Variants in COG7 observed in about 807,000 individuals in gnomAD.
COG7 encodes the protein conserved oligomeric Golgi complex subunit 7.
A neutral mutation model predicts 91.5 loss-of-function variants in COG7; 49 were observed. That is an observed-to-expected ratio of 0.54 (90% CI 0.43 to 0.68). COG7 has a LOEUF of 0.68. Among genes scored for constraint, COG7 ranks in the 30% least tolerant of loss-of-function variants. The pLI is 0.00. For synonymous variants in COG7, 365 were observed against 388.7 expected (o/e 0.94, Z 0.72); for missense variants, 895 against 961.3 (o/e 0.93, Z 0.91).
At chr16:23,448,245 G>C (rs895764073) in intron 1 of COG7, among the ~76,000 whole-genome samples, 1 of 152,110 alleles carries the variant, frequency 6.6e-6, no homozygotes, top group African/African-American at 2.4e-5. Context: ...AAGGTCTTTC[G>C]CAGGCTGATC....
intron 11 of COG7, among the ~76,000 whole-genome samples, chr16:23,408,530 T>G (rs1446842084): frequency 1.3e-5 from 2 of 151,648 alleles, no homozygotes; most frequent in African/African-American, 4.9e-5. Context: ...CTTCTCACGA[T>G]TCTTTGTTTC....
At position 23,406,095 on chromosome 16, in the gene COG7, T is replaced by C; in HGVS notation, c.1643A>G (p.Glu548Gly). The change falls in exon 12 of 17, where the codon GAA becomes GGA. Residue 548 changes from glutamate to glycine, a missense_variant. Transcript: ENST00000307149. ...TCATACCTTAAGGGTATAAAGTATT[T>C]CCATTAAACTGGCATATTCAGCAGG... The part of the protein sequence containing the change: ...DNPAEYASLM[E>G]ILYTLKEKGS... The C allele has an allele frequency of 6.2e-7, 1 of 1,614,036 alleles. No individual in the cohort carries two copies. The highest frequency in any genetic ancestry group is 2.2e-5 in the East Asian group (1 of 44,886).
chr16:23,451,876 G>C (rs888879413), intron 1 of COG7, among the ~76,000 whole-genome samples: 2 of 151,812 alleles, frequency 1.3e-5, no homozygotes, highest in African/African-American at 4.8e-5. Flanking sequence ...ATATGGATCT[G>C]TTGGCTATTC....
intron 4 of COG7, among the ~76,000 whole-genome samples, chr16:23,438,083 C>CAA (rs34667957): frequency 7.9e-5 from 7 of 88,808 alleles, no homozygotes; most frequent in Non-Finnish European, 1.5e-4. Context: ...GACTCCATCT[C>CAA]AAAAAAAAAA....
rs779144674 is a variant in COG7 at position 23,445,063 on chromosome 16, C to G, written c.420G>C (p.Glu140Asp). Residue 140 changes from glutamate (E) to aspartate (D), a missense_variant, in exon 3 of 17, where the codon GAG becomes GAC. Transcript: ENST00000307149. Reference sequence around the variant, plus strand: ...AGAAACCTACCTGAGTCTTAAATGTCTCCTCAATATCGGCGCTCAACGTGC... The same window carrying G: ...AGAAACCTACCTGAGTCTTAAATGTGTCCTCAATATCGGCGCTCAACGTGC... ...KWSTLSADIEETFKTQDIAVI... is the reference protein window; with the variant it reads ...KWSTLSADIEDTFKTQDIAVI... The G allele has an allele frequency of 3.1e-6, 5 of 1,613,624 alleles. No homozygotes were observed. The South Asian group carries it at 4.4e-5, about 14-fold the overall frequency.
rs1489722718 is a variant in COG7 at position 23,451,960 on chromosome 16, CTT to C, written c.169+864_169+865del. ...TTGGTACAAAACAGGCTCTTTAACT[CTT>C]TGAATAAACACCTCACAGACTCGTG... On this transcript the variant is annotated intron_variant, in intron 1 of 16. Coordinates refer to ENST00000307149, the MANE Select transcript of COG7 (RefSeq NM_153603.4). 9.9e-5 allele frequency among the ~76,000 whole-genome samples: 15 copies of C among 151,928 alleles called. No individual in the cohort carries two copies. The East Asian group carries it at 2.9e-3, about 29-fold the overall frequency.
At chr16:23,444,815 C>T (rs544418372) in intron 3 of COG7, among the ~76,000 whole-genome samples, 3 of 152,114 alleles carry the variant, frequency 2.0e-5, no homozygotes, top group African/African-American at 7.2e-5. Context: ...GCCTGTACAT[C>T]TTTATCAAGG....
At chr16:23,440,085 C>CAAA (rs11294739) in intron 4 of COG7, among the ~76,000 whole-genome samples, 2 of 79,298 alleles carry the variant, frequency 2.5e-5, no homozygotes, top group Non-Finnish European at 5.8e-5. Flanking sequence ...CCCATCTATA[C>CAAA]AAAAAAAAAA....
chr16:23,439,230 T>C (rs971848494), intron 4 of COG7, among the ~76,000 whole-genome samples: 8 of 133,508 alleles, frequency 6.0e-5, no homozygotes, highest in African/African-American at 1.2e-4. Flanking sequence ...CCTAAAGGAA[T>C]TGAAAGCTGG....
At chr16:23,419,817 A>T (rs1287501434) in intron 7 of COG7, among the ~76,000 whole-genome samples, 1 of 150,432 alleles carries the variant, frequency 6.6e-6, no homozygotes, top group African/African-American at 2.5e-5. Context: ...CCCATGCCAC[A>T]TGTTCCTAGG....
At chr16:23,433,094 CG>C (rs1408680149) in intron 6 of COG7, among the ~76,000 whole-genome samples, 3 of 152,080 alleles carry the variant, frequency 2.0e-5, no homozygotes, top group Non-Finnish European at 4.4e-5. Flanking sequence ...AACTGGTTAT[CG>C]TTTTTTCTTT....
intron 16 of COG7, chr16:23,391,978 G>C: frequency 1.7e-6 from 2 of 1,151,100 alleles, no homozygotes; most frequent in Non-Finnish European, 2.2e-6. Context: ...GGGGAGTTTG[G>C]AATTACATAA....
intron 9 of COG7, 164 bp downstream of exon 9, chr16:23,416,802 AC>A: frequency 1.3e-6 from 1 of 771,472 alleles, no homozygotes; most frequent in Non-Finnish European, 2.2e-6. Context: ...CAAATGTTCC[AC>A]CATTACAAAC....
intron 7 of COG7, among the ~76,000 whole-genome samples, chr16:23,421,079 G>C (rs1963748720): frequency 6.6e-6 from 1 of 151,684 alleles, no homozygotes; most frequent in Non-Finnish European, 1.5e-5. Flanking sequence ...GGTGAGTTGA[G>C]AATGATTTCT....
At chr16:23,437,841 C>A (rs999701959) in intron 4 of COG7, among the ~76,000 whole-genome samples, 1 of 152,128 alleles carries the variant, frequency 6.6e-6, no homozygotes, top group Non-Finnish European at 1.5e-5. Context: ...AATCCCAGCA[C>A]CTGGGGAGGC....
intron 4 of COG7, among the ~76,000 whole-genome samples, chr16:23,436,634 C>G (rs996927531): frequency 3.9e-5 from 6 of 152,018 alleles, no homozygotes; most frequent in Admixed American, 3.9e-4. Flanking sequence ...ACTCCAGAAG[C>G]TGAGGCGCTT....
At chr16:23,397,771 C>T (rs1339931620) in intron 14 of COG7, among the ~76,000 whole-genome samples, 1 of 152,140 alleles carries the variant, frequency 6.6e-6, no homozygotes, top group Non-Finnish European at 1.5e-5. Flanking sequence ...CAGAATTTCC[C>T]ATTAGACTCT....
Position 23,452,893 on chromosome 16 carries a change from A to T in COG7, c.102T>A (p.Asp34Glu). ...GSKEAASGKA[D>E]GHAATLVMKL... ...TCATCACCAGGGTGGCTGCGTGGCC[A>T]TCCGCCTTCCCGGACGCCGCCTCCT... Residue 34 changes from aspartate to glutamate, a missense_variant, in exon 1 of 17, where the codon GAT (aspartate) becomes GAA (glutamate). Asp to Glu is a conservative substitution (Grantham distance 45, BLOSUM62 2). Coordinates refer to ENST00000307149, the MANE Select transcript of COG7 (RefSeq NM_153603.4). The T allele has an allele frequency of 6.2e-7, 1 of 1,614,026 alleles. No homozygotes were observed. The highest frequency in any genetic ancestry group is 8.5e-7 in the Non-Finnish European group (1 of 1,180,000).
intron 3 of COG7, among the ~76,000 whole-genome samples, chr16:23,444,770 A>AT (rs2142095582): frequency 6.6e-6 from 1 of 151,960 alleles, no homozygotes; most frequent in South Asian, 2.1e-4. Context: ...CATCCCAAAG[A>AT]GCTGGGATTT....
Sources: gnomAD v4.1 joint callset for allele counts (sites outside exome capture counted in the v4.1 genomes callset) on GRCh38, gnomAD v4.1.1 for gene constraint, MANE v1.5 for transcripts, NCBI Gene and HGNC (gene_info 2026-07-23, HGNC 2026-07-21) for gene names.